RAB18: variants seen among roughly 807,000 people sequenced by gnomAD.
RAB18 encodes the protein RAB18, member RAS oncogene family, also known as ras-related protein Rab-18.
Under a neutral mutation model 28.5 loss-of-function variants are expected in RAB18, and 10 were observed. That is an observed-to-expected ratio of 0.35 (90% CI 0.22 to 0.60). RAB18 has a LOEUF of 0.60. RAB18 is among the 20% of genes least tolerant of loss of function. The pLI is 0.78. For missense variants in RAB18, 188 were observed against 244.2 expected, an observed-to-expected ratio of 0.77 and a Z score of 1.53; for synonymous variants, 93 against 86.9, an observed-to-expected ratio of 1.07 and a Z score of -0.39.
intron 2 of RAB18, among the ~76,000 whole-genome samples, chr10:27,523,757 C>T (rs745599200): frequency 1.3e-4 from 19 of 151,838 alleles, no homozygotes; most frequent in Non-Finnish European, 2.8e-4. Flanking sequence ...GGACTACAGG[C>T]GCAAGCCACC....
Position 27,541,344 on chromosome 10 carries a change from CTTTTTTT to C in RAB18, c.*3302_*3308del. On this transcript the variant is annotated 3_prime_UTR_variant, in exon 7 of 7. Coordinates refer to ENST00000356940, the MANE Select transcript of RAB18 (RefSeq NM_021252.5). The stretch of plus-strand genomic sequence containing the variant: ...CTAAGGAATATAGAATCACCCAGGT[CTTTTTTT>C]TTTTTTTTAATTTTTCTCTCCTCAG... 4.7e-6 allele frequency: 2 copies of C among 421,408 alleles called. No individual in the cohort carries two copies. Among genetic ancestry groups the C allele is most frequent in the South Asian group, 3.5e-5 (2 of 57,728 alleles). 26.1% of individuals were successfully genotyped at this position (421,408 alleles called of 1,614,324 possible).
chr10:27,523,337 C>G (rs1489787933), intron 2 of RAB18, among the ~76,000 whole-genome samples: 1 of 93,322 alleles, frequency 1.1e-5, no homozygotes, highest in African/African-American at 4.2e-5. Flanking sequence ...TATTTTTCAT[C>G]AAATTTGAAA....
rs1186290957 is a variant in RAB18 at position 27,504,412 on chromosome 10, G to T, written c.43G>T (p.Gly15Cys). 6.4e-7 allele frequency: 1 copy of T among 1,570,906 alleles called. No individual in the cohort carries two copies. Among genetic ancestry groups the T allele is most frequent in the Non-Finnish European group, 8.6e-7 (1 of 1,157,836 alleles). Residue 15 changes from glycine to cysteine, a missense_variant, in exon 1 of 7, where the codon GGC becomes TGC. Coordinates refer to ENST00000356940, the MANE Select transcript of RAB18 (RefSeq NM_021252.5). ...AACCACCCTGAAGATCCTCATCATC[G>T]GCGAGAGTGGGGTGGGCAAGTCCAG... is the stretch of plus-strand genomic sequence containing the variant. ...VLTTLKILII[G>C]ESGVGKSSLL... is the part of the protein sequence containing the mutation.
At position 27,539,539 on chromosome 10, in the gene RAB18, A is replaced by C. The variant is rs148630305; in HGVS notation, c.*1488A>C. 815 of 399,406 alleles carry C rather than the reference A, an allele frequency of 2.0e-3. 8 individuals carry two copies. The highest frequency in any genetic ancestry group is 0.016 in the African/African-American group (745 of 47,810). The allele number at this position is 399,406 out of a possible 1,614,324, so 24.7% of individuals were successfully genotyped here. A position where few individuals can be genotyped will look rare whatever the true frequency, so the allele number is the denominator to read the frequency against. ...TTCTATATGCTTTTACTAAATATAC[A>C]AGATTTACTACTAGAAATTTGGAGA... is the stretch of plus-strand genomic sequence containing the variant. On this transcript the variant is annotated 3_prime_UTR_variant, in exon 7 of 7. Transcript: ENST00000356940.
chr10:27,540,382 C>T lies in RAB18; in HGVS notation c.*2331C>T, dbSNP rs774656745. On this transcript the variant is annotated 3_prime_UTR_variant, in exon 7 of 7. Transcript: ENST00000356940. Reference sequence around the variant, plus strand: ...CAGTCATGGCATTTTTACTTCTGAGCCCATACTCTTCACCATCGCTCATTT... The same window carrying T: ...CAGTCATGGCATTTTTACTTCTGAGTCCATACTCTTCACCATCGCTCATTT... 2 of 454,064 alleles carry T rather than the reference C, an allele frequency of 4.4e-6. No homozygotes were observed. The highest frequency in any genetic ancestry group is 1.6e-5 in the South Asian group (1 of 64,472). 28.1% of individuals were successfully genotyped at this position (454,064 alleles called of 1,614,324 possible). A position where few individuals can be genotyped will look rare whatever the true frequency, so the allele number is the denominator to read the frequency against.
intron 6 of RAB18, among the ~76,000 whole-genome samples, chr10:27,537,585 G>A (rs919074124): frequency 2.6e-5 from 4 of 152,144 alleles, no homozygotes; most frequent in Admixed American, 1.3e-4. Flanking sequence ...AAAAACTTTC[G>A]CTCGCTATTT....
Position 27,539,332 on chromosome 10 carries a change from T to G in RAB18, c.*1281T>G. On this transcript the variant is annotated 3_prime_UTR_variant, in exon 7 of 7. Coordinates refer to ENST00000356940, the MANE Select transcript of RAB18 (RefSeq NM_021252.5). Reference sequence around the variant, plus strand: ...TTCCAGTATTAATTTCTGGGCAGTTTGTTCTCTGTATACAATTGCAAATGA... The same window carrying G: ...TTCCAGTATTAATTTCTGGGCAGTTGGTTCTCTGTATACAATTGCAAATGA... The G allele has an allele frequency of 3.5e-6, 1 of 289,474 alleles. No homozygotes were observed. The highest frequency in any genetic ancestry group is 3.3e-5 in the South Asian group (1 of 29,968). 17.9% of individuals were successfully genotyped at this position (289,474 alleles called of 1,614,324 possible).
At chr10:27,505,552 A>G (rs1175628036) in intron 1 of RAB18, among the ~76,000 whole-genome samples, 1 of 152,094 alleles carries the variant, frequency 6.6e-6, no homozygotes, top group Non-Finnish European at 1.5e-5. Flanking sequence ...TTCTGATATT[A>G]TTTACTTATT....
intron 2 of RAB18, among the ~76,000 whole-genome samples, chr10:27,522,622 C>T (rs1834583795): frequency 6.6e-6 from 1 of 152,140 alleles, no homozygotes; most frequent in African/African-American, 2.4e-5. Flanking sequence ...CTTACCATTA[C>T]TGCCTTCTTA....
chr10:27,541,853 T>TG lies in RAB18; in HGVS notation c.*3804dup, dbSNP rs370217675. ...CCCCACCCCCACCCCTGCAAACAAT[T>TG]GGCATGTGGTTTGGGTGGCATTGTC... On this transcript the variant is annotated 3_prime_UTR_variant, in exon 7 of 7. Coordinates refer to ENST00000356940, the MANE Select transcript of RAB18 (RefSeq NM_021252.5). The TG allele has an allele frequency of 2.9e-6, 1 of 346,366 alleles. No individual in the cohort carries two copies. Among genetic ancestry groups the TG allele is most frequent in the African/African-American group, 3.8e-5 (1 of 26,604 alleles). The allele number at this position is 346,366 out of a possible 1,614,324, so 21.5% of individuals were successfully genotyped here.
At position 27,539,280 on chromosome 10, in the gene RAB18, T is replaced by C. The variant is rs1382039299; in HGVS notation, c.*1229T>C. The C allele has an allele frequency of 3.3e-6, 1 of 307,448 alleles. No individual in the cohort carries two copies. Among genetic ancestry groups the C allele is most frequent in the African/African-American group, 2.2e-5 (1 of 45,362 alleles). 19.0% of individuals were successfully genotyped at this position (307,448 alleles called of 1,614,324 possible). A position where few individuals can be genotyped will look rare whatever the true frequency, so the allele number is the denominator to read the frequency against. On this transcript the variant is annotated 3_prime_UTR_variant, in exon 7 of 7. Transcript: ENST00000356940. ...AAATAAGTTATTTGTCCTTTAAGGT[T>C]GGTTACTATAATACCCCTCAGTAAG...
chr10:27,529,514 C>G (rs761910872), intron 3 of RAB18, among the ~76,000 whole-genome samples: 10 of 151,890 alleles, frequency 6.6e-5, no homozygotes, highest in Non-Finnish European at 1.3e-4. Context: ...TCATCATGAC[C>G]TTGTTTTCTT....
At chr10:27,515,227 C>T (rs1258734862) in intron 2 of RAB18, among the ~76,000 whole-genome samples, 1 of 152,068 alleles carries the variant, frequency 6.6e-6, no homozygotes, top group Non-Finnish European at 1.5e-5. Flanking sequence ...AATTGGTAAG[C>T]ATGGAAATTA....
At chr10:27,510,910 A>G (rs1037320284) in intron 2 of RAB18, among the ~76,000 whole-genome samples, 2 of 152,204 alleles carry the variant, frequency 1.3e-5, no homozygotes, top group African/African-American at 2.4e-5. Context: ...TATGTATCCT[A>G]TTAAATTACT....
chr10:27,541,652 C>CT lies in RAB18; in HGVS notation c.*3607dup. The CT allele has an allele frequency of 2.3e-6, 1 of 435,902 alleles. No individual in the cohort carries two copies. Among genetic ancestry groups the CT allele is most frequent in the South Asian group, 1.6e-5 (1 of 60,968 alleles). The allele number at this position is 435,902 out of a possible 1,614,324, so 27.0% of individuals were successfully genotyped here. ...ATTTCTTGCTTTTTTTTTTTTTCCTCTTTTTTAACCGGAGAAGCAACAAAT... is the reference window on the plus strand; with the variant it reads ...ATTTCTTGCTTTTTTTTTTTTTCCTCTTTTTTTAACCGGAGAAGCAACAAAT... On this transcript the variant is annotated 3_prime_UTR_variant, in exon 7 of 7. Coordinates refer to ENST00000356940, the MANE Select transcript of RAB18 (RefSeq NM_021252.5).
At chr10:27,515,477 G>A (rs756658444) in intron 2 of RAB18, among the ~76,000 whole-genome samples, 1 of 152,172 alleles carries the variant, frequency 6.6e-6, no homozygotes, top group African/African-American at 2.4e-5. Context: ...GTTAAAATAT[G>A]TGAAAATGTC....
chr10:27,537,258 C>T lies in RAB18; in HGVS notation c.446-618C>T, dbSNP rs796419401. Among the ~76,000 whole-genome samples the T allele has an allele frequency of 1.7e-4, 26 of 152,278 alleles. 1 individual carries two copies. Among genetic ancestry groups the T allele is most frequent in the African/African-American group, 6.0e-4 (25 of 41,570 alleles). On this transcript the variant is annotated intron_variant, in intron 6 of 6. Transcript: ENST00000356940. ...TGCTTCTGATTTTCTCAGCATAATG[C>T]AGCTAGATTATTAGCTGCGATAGAG...
intron 2 of RAB18, among the ~76,000 whole-genome samples, chr10:27,516,116 T>A (rs1834433191): frequency 6.6e-6 from 1 of 152,190 alleles, no homozygotes; most frequent in Admixed American, 6.5e-5. Flanking sequence ...AGATAAATAT[T>A]AAGTCCCCTT....
chr10:27,512,420 C>G (rs1293766516), intron 2 of RAB18, among the ~76,000 whole-genome samples: 1 of 152,098 alleles, frequency 6.6e-6, no homozygotes, highest in Non-Finnish European at 1.5e-5. Flanking sequence ...ATTCTGGTGC[C>G]TCAGCCTCCT....
Sources: allele counts gnomAD v4.1 joint callset (sites outside exome capture counted in the v4.1 genomes callset), GRCh38; gene constraint gnomAD v4.1.1; transcripts MANE v1.5; gene names NCBI Gene and HGNC (gene_info 2026-07-23, HGNC 2026-07-21).